Variants in BRIP1 observed in about 807,000 individuals in gnomAD.
The protein encoded by BRIP1 is BRCA1 interacting DNA helicase 1.
Under a neutral mutation model 119.7 loss-of-function variants are expected in BRIP1, and 88 were observed. That is an observed-to-expected ratio of 0.74 (90% CI 0.62 to 0.88). The LOEUF is 0.88. Ranked by LOEUF, BRIP1 falls within the 40% of genes least tolerant of loss-of-function variation. BRIP1 has a pLI of 0.00. For missense variants in BRIP1, 1,259 were observed against 1,455.4 expected (o/e 0.87, Z 2.20); for synonymous variants, 443 against 496.5 (o/e 0.89, Z 1.43).
intron 11 of BRIP1, among the ~76,000 whole-genome samples, chr17:61,782,471 A>G (rs7226290): frequency 0.99 from 149,145 of 151,056 alleles, 73,659 homozygotes; most frequent in East Asian, 1. Context: ...TGTGACACTA[A>G]AAGTACAGGC....
chr17:61,718,961 T>C (rs1474651663), intron 16 of BRIP1, among the ~76,000 whole-genome samples: 2 of 152,212 alleles, frequency 1.3e-5, no homozygotes, highest in Non-Finnish European at 2.9e-5. Context: ...AGTTGTTACA[T>C]TGTAGTGTTT....
chr17:61,750,922 A>G (rs1324064913), intron 14 of BRIP1, among the ~76,000 whole-genome samples: 1 of 152,230 alleles, frequency 6.6e-6, no homozygotes, highest in African/African-American at 2.4e-5. Context: ...ACAGTCTGGC[A>G]GTTCCTCAAA....
At position 61,809,384 on chromosome 17, in the gene BRIP1, C is replaced by T. The variant is rs1422702047; in HGVS notation, c.628-627G>A. On this transcript the variant is annotated intron_variant, in intron 6 of 19. Transcript: ENST00000259008. The surrounding 1 kb of genome is among the most constrained non-coding windows in gnomAD (Gnocchi z 5.2). ...ACAAGTATATCTGAAATTCAGTTAC[C>T]TGTCATGGAGTGTAAACCAATCAGT... Among the ~76,000 whole-genome samples, 1 of 152,052 alleles carries T rather than the reference C, an allele frequency of 6.6e-6. No individual in the cohort carries two copies. Among genetic ancestry groups the T allele is most frequent in the Non-Finnish European group, 1.5e-5 (1 of 67,980 alleles).
At position 61,686,489 on chromosome 17, in the gene BRIP1, C is replaced by T. The variant is rs1428244260; in HGVS notation, c.2576-324G>A. ...CAAATTTAATTTCATCATAATTCCC[C>T]ACAAAAATTGCCTTTTTTTTTTGTA... On this transcript the variant is annotated intron_variant, in intron 18 of 19. Transcript: ENST00000259008. This position sits in a 1 kb window ranked among gnomAD's most constrained non-coding sequence, Gnocchi z 5.4. Among the ~76,000 whole-genome samples, 4 of 150,824 alleles carry T rather than the reference C, an allele frequency of 2.7e-5. No homozygotes were observed. Among genetic ancestry groups the T allele is most frequent in the Non-Finnish European group, 5.9e-5 (4 of 67,814 alleles).
chr17:61,685,724 A>T, intron 19 of BRIP1, 112 bp downstream of exon 19: 1 of 984,456 alleles, frequency 1.0e-6, no homozygotes, highest in South Asian at 1.4e-5. Flanking sequence ...ATAACACCTT[A>T]TATTACAAAC....
rs1200931547 is a variant in BRIP1 at position 61,734,995 on chromosome 17, A to G, written c.2379+8018T>C. 4.6e-5 allele frequency among the ~76,000 whole-genome samples: 7 copies of G among 152,212 alleles called. No homozygotes were observed. Among genetic ancestry groups the G allele is most frequent in the Non-Finnish European group, 7.3e-5 (5 of 68,030 alleles). ...GAACATTTAAATTTTTATTTACTAAATAACTTCTACTTATTAGACTATTAA... is the reference window on the plus strand; with the variant it reads ...GAACATTTAAATTTTTATTTACTAAGTAACTTCTACTTATTAGACTATTAA... On this transcript the variant is annotated intron_variant, in intron 16 of 19. Transcript: ENST00000259008. This position sits in a 1 kb window ranked among gnomAD's most constrained non-coding sequence, Gnocchi z 5.2.
chr17:61,696,491 C>T (rs1289933859), intron 17 of BRIP1, among the ~76,000 whole-genome samples: 1 of 151,970 alleles, frequency 6.6e-6, no homozygotes, highest in Non-Finnish European at 1.5e-5. Flanking sequence ...AAATATTTCT[C>T]TCCCATTTTT....
At chr17:61,731,636 G>A (rs2076844325) in intron 16 of BRIP1, among the ~76,000 whole-genome samples, 1 of 152,060 alleles carries the variant, frequency 6.6e-6, no homozygotes, top group African/African-American at 2.4e-5. Flanking sequence ...TATCCATTCT[G>A]TACACATTCA....
chr17:61,781,339 C>T (rs2077616595), intron 11 of BRIP1, among the ~76,000 whole-genome samples: 1 of 152,158 alleles, frequency 6.6e-6, no homozygotes, highest in South Asian at 2.1e-4. Flanking sequence ...CAGTCCAGAG[C>T]TCTCTGCATG....
At position 61,801,475 on chromosome 17, in the gene BRIP1, C is replaced by G. The variant is rs2145343116; in HGVS notation, c.919-1G>C. Reference sequence around the variant, plus strand: ...CATGATAAAAATAGCAGGATTTTCCCTAGAAACAAATATGCATAACTGAAA... The same window carrying G: ...CATGATAAAAATAGCAGGATTTTCCGTAGAAACAAATATGCATAACTGAAA... On this transcript the variant is annotated splice_acceptor_variant, in intron 7 of 19. Transcript: ENST00000259008. LOFTEE classifies it high-confidence loss of function. 1 of 1,598,444 alleles carries G rather than the reference C, an allele frequency of 6.3e-7. No individual in the cohort carries two copies. The highest frequency in any genetic ancestry group is 8.6e-7 in the Non-Finnish European group (1 of 1,166,084).
At chr17:61,783,460 G>A (rs534648395) in intron 11 of BRIP1, among the ~76,000 whole-genome samples, 2 of 152,156 alleles carry the variant, frequency 1.3e-5, no homozygotes, top group South Asian at 2.1e-4. Flanking sequence ...AAAAATTTCT[G>A]GAAATCTCTG....
intron 8 of BRIP1, among the ~76,000 whole-genome samples, chr17:61,800,043 T>C (rs1439457085): frequency 6.6e-6 from 1 of 152,036 alleles, no homozygotes; most frequent in Admixed American, 6.6e-5. Context: ...CCAGAGTAAT[T>C]TGGAGGGACT....
chr17:61,728,135 G>T (rs1053386362), intron 16 of BRIP1, among the ~76,000 whole-genome samples: 3 of 151,826 alleles, frequency 2.0e-5, no homozygotes, highest in Non-Finnish European at 4.4e-5. Context: ...GGCCACAAAG[G>T]TTTGATTTTT....
At position 61,780,722 on chromosome 17, in the gene BRIP1, G is replaced by A. The variant is rs534925272; in HGVS notation, c.1794+118C>T. 19 of 1,252,638 alleles carry A rather than the reference G, an allele frequency of 1.5e-5. 1 individual carries two copies. The highest frequency in any genetic ancestry group is 2.5e-4 in the Middle Eastern group (1 of 3,974). The allele number at this position is 1,252,638 out of a possible 1,614,324, so 77.6% of individuals were successfully genotyped here. A position where few individuals can be genotyped will look rare whatever the true frequency, so the allele number is the denominator to read the frequency against. On this transcript the variant is annotated intron_variant, in intron 12 of 19. Transcript: ENST00000259008. This position sits in a 1 kb window ranked among gnomAD's most constrained non-coding sequence, Gnocchi z 5.4. The stretch of plus-strand genomic sequence containing the variant: ...CAGCCTGGGTGAAGAGCAAGACCCT[G>A]CCTCAAAACAACAACAACAACAACA...
chr17:61,786,920 T>A (rs1358106711), intron 10 of BRIP1, among the ~76,000 whole-genome samples: 3 of 40,064 alleles, frequency 7.5e-5, no homozygotes, highest in African/African-American at 1.5e-4. Flanking sequence ...AATATAAAAA[T>A]ATATATTTAT....
At chr17:61,820,023 CA>C (rs2078296810) in intron 6 of BRIP1, among the ~76,000 whole-genome samples, 1 of 148,216 alleles carries the variant, frequency 6.7e-6, no homozygotes, top group African/African-American at 2.5e-5. Context: ...ATGTACCCAC[CA>C]AAATTAAAAA....
In BRIP1 at chr17:61,756,004, G is replaced by T. The variant is rs1228902137; in HGVS notation, c.2098-11413C>A. 1.3e-5 allele frequency among the ~76,000 whole-genome samples: 2 copies of T among 152,100 alleles called. No individual in the cohort carries two copies. Among genetic ancestry groups the T allele is most frequent in the Non-Finnish European group, 2.9e-5 (2 of 68,016 alleles). ...TGTGTTTTATTTTAATTTCTTCAGT[G>T]GAGATTTTTTTTAAAGTACCTTAAA... On this transcript the variant is annotated intron_variant, in intron 14 of 19. Coordinates refer to ENST00000259008, the MANE Select transcript of BRIP1 (RefSeq NM_032043.3). This position sits in a 1 kb window ranked among gnomAD's most constrained non-coding sequence, Gnocchi z 4.3.
In BRIP1 at chr17:61,851,410, G is replaced by A. The variant is rs2078820546; in HGVS notation, c.380-2154C>T. ...ATCCTAATAGTTTTGCCTATCAGAA[G>A]TAGGTCTTTAATCTACCTTGAATGG... On this transcript the variant is annotated intron_variant, in intron 4 of 19. Transcript: ENST00000259008. The surrounding 1 kb of genome is among the most constrained non-coding windows in gnomAD (Gnocchi z 4.6). Among the ~76,000 whole-genome samples, 1 of 152,154 alleles carries A rather than the reference G, an allele frequency of 6.6e-6. No individual in the cohort carries two copies. Among genetic ancestry groups the A allele is most frequent in the Admixed American group, 6.5e-5 (1 of 15,270 alleles).
At position 61,793,959 on chromosome 17, in the gene BRIP1, C is replaced by A. The variant is rs1291491853; in HGVS notation, c.1341-230G>T. Among the ~76,000 whole-genome samples, 2 of 152,088 alleles carry A rather than the reference C, an allele frequency of 1.3e-5. No homozygotes were observed. Among genetic ancestry groups the A allele is most frequent in the Non-Finnish European group, 2.9e-5 (2 of 67,996 alleles). ...CTTTTATTCAGAAGAAACAAACATG[C>A]ATATGATTTCCCACTTGTTTTGTGG... is the stretch of plus-strand genomic sequence containing the variant. On this transcript the variant is annotated intron_variant, in intron 9 of 19. Transcript: ENST00000259008. The surrounding 1 kb of genome is among the most constrained non-coding windows in gnomAD (Gnocchi z 5.2).
Sources: allele counts gnomAD v4.1 joint callset (sites outside exome capture counted in the v4.1 genomes callset), GRCh38; gene constraint gnomAD v4.1.1; non-coding constraint Gnocchi (gnomAD v3.1); transcripts MANE v1.5; gene names NCBI Gene and HGNC (gene_info 2026-07-23, HGNC 2026-07-21).